KMT2D: variants seen among roughly 807,000 people sequenced by gnomAD.
KMT2D encodes the protein lysine methyltransferase 2D.
Under a neutral mutation model 512.7 loss-of-function variants are expected in KMT2D, and 55 were observed. That is an observed-to-expected ratio of 0.11 (90% CI 0.09 to 0.13). The LOEUF is 0.13. Ranked by LOEUF, KMT2D falls within the 10% of genes least tolerant of loss-of-function variation. The pLI is 1.00. For synonymous variants in KMT2D, 2,995 were observed against 2,904.0 expected (o/e 1.03, Z -1.01); for missense variants, 6,061 against 7,127.9 (o/e 0.85, Z 5.39).
At position 49,030,973 on chromosome 12, in the gene KMT2D, T is replaced by C. The variant is rs1167713096; in HGVS notation, c.13591A>G (p.Arg4531Gly). 6.2e-7 allele frequency: 1 copy of C among 1,613,982 alleles called. No individual in the cohort carries two copies. The highest frequency in any genetic ancestry group is 1.1e-5 in the South Asian group (1 of 91,090). ...KPKRVQKASD[R>G]LVSSRKKLRK... is the part of the protein sequence containing the mutation. ...AGCTTCTTTCGGGAGCTCACCAACC[T>C]GTCGCTTGCCTTCTGTACCCGCTTG... The change falls in exon 41 of 55, where the codon AGG becomes GGG. Residue 4531 changes from arginine to glycine, a missense_variant. By Grantham distance (125) the Arg-to-Gly change is moderately radical. Around this residue, in one of 16 missense-constraint regions of KMT2D, gnomAD observed 1,600 missense variants for 1,754.9 expected, o/e 0.91. Coordinates refer to ENST00000301067, the MANE Select transcript of KMT2D (RefSeq NM_003482.4).
chr12:49,025,263 A>G (rs1447764459), intron 49 of KMT2D, among the ~76,000 whole-genome samples: 2 of 151,336 alleles, frequency 1.3e-5, no homozygotes, highest in African/African-American at 2.5e-5. Flanking sequence ...TTCAGGTTCT[A>G]GTACTGGTCA....
Position 49,049,671 on chromosome 12 carries a change from T to C in KMT2D, c.3906+11A>G, listed in dbSNP as rs771006468. 1.4e-5 allele frequency: 22 copies of C among 1,560,084 alleles called. No individual in the cohort carries two copies. The highest frequency in any genetic ancestry group is 5.4e-5 in the Admixed American group (3 of 55,416). ...ACTCTAATCACATCCCGCAGCTAGA[T>C]AGCCCCTCACCTGTTTGATGCGGGA... On this transcript the variant is annotated intron_variant, in intron 12 of 54. Transcript: ENST00000301067.
At position 49,037,793 on chromosome 12, in the gene KMT2D, G is replaced by A. The variant is rs762206028; in HGVS notation, c.9563C>T (p.Thr3188Met). 2.3e-5 allele frequency: 37 copies of A among 1,596,556 alleles called. No individual in the cohort carries two copies. Among genetic ancestry groups the A allele is most frequent in the Non-Finnish European group, 3.0e-5 (35 of 1,171,422 alleles). Reference sequence around the variant, plus strand: ...CAGCAGGTGAGCTGGTGGTCCTCCCGTGGCCCCAAAGGAGGCCTTCTCAGC... The same window carrying A: ...CAGCAGGTGAGCTGGTGGTCCTCCCATGGCCCCAAAGGAGGCCTTCTCAGC... ...HTAEKASFGATGGPPAHLLTP... is the reference protein window; with the variant it reads ...HTAEKASFGAMGGPPAHLLTP... Residue 3188 changes from threonine to methionine, a missense_variant, in exon 35 of 55, where the codon ACG (threonine) becomes ATG (methionine). Physicochemically the swap from Thr to Met is moderately conservative, Grantham distance 81. Transcript: ENST00000301067.
intron 41 of KMT2D, 32 bp from the exon 42 acceptor site, chr12:49,030,800 C>T (rs1191520669): frequency 6.2e-7 from 1 of 1,613,044 alleles, no homozygotes; most frequent in Non-Finnish European, 8.5e-7. Context: ...AGTTCAAAAC[C>T]TGCAGCGTTT....
rs561594226 is a variant in KMT2D, at chr12:49,026,563, T to C, written c.15403A>G (p.Met5135Val). 7 of 1,614,000 alleles carry C rather than the reference T, an allele frequency of 4.3e-6. No homozygotes were observed. In the South Asian group the frequency reaches 5.5e-5, roughly 13 times the overall value. ...FFKDKTMLCP[M>V]HKIKGPCEQE... ...TCACAGGGCCCCTTGATCTTATGCA[T>C]TGGACACAGCATGGTCTTGTCCTTG... is the stretch of plus-strand genomic sequence containing the variant. The change falls in exon 49 of 55, where the codon ATG becomes GTG. Residue 5135 changes from methionine to valine, a missense_variant. By Grantham distance (21) the Met-to-Val change is conservative. Around this residue, in one of 16 missense-constraint regions of KMT2D, gnomAD observed 261 missense variants for 440.7 expected, o/e 0.59. Transcript: ENST00000301067. The surrounding 1 kb of genome is among the most constrained non-coding windows in gnomAD (Gnocchi z 9.6).
rs1938674141 is a variant in KMT2D, at chr12:49,060,326, C to T, written c.-751G>A. ...AAAGGAAGGGGCGGGCGGTGCGAGC[C>T]CTCTGCCCGCTCCCCTCCGGCCGCT... On this transcript the variant is annotated 5_prime_UTR_variant, in exon 1 of 55. Coordinates refer to ENST00000301067, the MANE Select transcript of KMT2D (RefSeq NM_003482.4). 6.6e-6 allele frequency among the ~76,000 whole-genome samples: 1 copy of T among 152,008 alleles called. No individual in the cohort carries two copies. The highest frequency in any genetic ancestry group is 2.4e-5 in the African/African-American group (1 of 41,412).
intron 1 of KMT2D, among the ~76,000 whole-genome samples, chr12:49,057,369 TAGG>T (rs1938473560): frequency 6.6e-6 from 1 of 152,130 alleles, no homozygotes; most frequent in African/African-American, 2.4e-5. Context: ...ATACAGTGGG[TAGG>T]AGGAGGGCTG....
rs2120698844 is a variant in KMT2D at position 49,053,607 on chromosome 12, C to T, written c.708G>A (p.Gly236=). ...TACAGAAGAACAGGTCACACAACTCCCCTGGCCCCTCACACACTGCACAGC... is the reference window on the plus strand; with the variant it reads ...TACAGAAGAACAGGTCACACAACTCTCCTGGCCCCTCACACACTGCACAGC... ...EARCAVCEGP[G]ELCDLFFCTS... Residue 236 remains glycine, a synonymous_variant, in exon 7 of 55, where the codon GGG becomes GGA. Transcript: ENST00000301067. 1 of 1,597,346 alleles carries T rather than the reference C, an allele frequency of 6.3e-7. No individual in the cohort carries two copies. Among genetic ancestry groups the T allele is most frequent in the Non-Finnish European group, 8.5e-7 (1 of 1,172,392 alleles).
chr12:49,060,148 A>G lies in KMT2D; in HGVS notation c.-573T>C, dbSNP rs1446320868. 4.0e-5 allele frequency among the ~76,000 whole-genome samples: 6 copies of G among 150,284 alleles called. No individual in the cohort carries two copies. Among genetic ancestry groups the G allele is most frequent in the Admixed American group, 2.6e-4 (4 of 15,176 alleles). ...CCCGGCCGGCGCCCGGGGCCGCGCGAGCTACGGCGACGCGGGGCCGGCGGG... is the reference window on the plus strand; with the variant it reads ...CCCGGCCGGCGCCCGGGGCCGCGCGGGCTACGGCGACGCGGGGCCGGCGGG... On this transcript the variant is annotated 5_prime_UTR_variant, in exon 1 of 55. Coordinates refer to ENST00000301067, the MANE Select transcript of KMT2D (RefSeq NM_003482.4).
At chr12:49,045,091 G>A in intron 19 of KMT2D, 126 bp from the exon 20 acceptor site, 4 of 877,158 alleles carry the variant, frequency 4.6e-6, no homozygotes, top group African/African-American at 1.7e-5. Flanking sequence ...GGGTCTAAAT[G>A]CTGAGGAGAA....
chr12:49,037,566 G>T lies in KMT2D; in HGVS notation c.9790C>A (p.Gln3264Lys), dbSNP rs1009925927. Residue 3264 changes from glutamine to lysine, a missense_variant, in exon 35 of 55, where the codon CAG becomes AAG. This residue lies in a region of KMT2D where 533 missense variants were observed against 539.6 expected (regional missense o/e 0.99). Transcript: ENST00000301067. ...GGCTGCAACTGTGCTGAAAGCTGCT[G>T]CTTCTTCTGCAGCTCCTTCTTCTCA... is the stretch of plus-strand genomic sequence containing the variant. ...EHEKKELQKK[Q>K]QLSAQLQPAQ... 2 of 1,553,978 alleles carry T rather than the reference G, an allele frequency of 1.3e-6. No individual in the cohort carries two copies. The highest frequency in any genetic ancestry group is 1.7e-6 in the Non-Finnish European group (2 of 1,148,472).
At chr12:49,053,105 G>C in intron 8 of KMT2D, 33 bp from the exon 9 acceptor site, 2 of 1,613,780 alleles carry the variant, frequency 1.2e-6, no homozygotes, top group Non-Finnish European at 1.7e-6. Context: ...ACAGGCATTG[G>C]TCAGACAGCA....
In KMT2D at chr12:49,031,740, T is replaced by C; in HGVS notation, c.12965A>G (p.Gln4322Arg). 2 of 1,613,038 alleles carry C rather than the reference T, an allele frequency of 1.2e-6. No homozygotes were observed. Among genetic ancestry groups the C allele is most frequent in the South Asian group, 1.1e-5 (1 of 90,920 alleles). ...AAGCTGGGAGCTGGGGGAAGGTAATTGTGAAGGTCTCTTTGGCTCTTGAGG... is the reference window on the plus strand; with the variant it reads ...AAGCTGGGAGCTGGGGGAAGGTAATCGTGAAGGTCTCTTTGGCTCTTGAGG... ...SSPQEPKRPS[Q>R]LPSPSSQLPT... Residue 4322 changes from glutamine to arginine, a missense_variant, in exon 40 of 55, where the codon CAA becomes CGA. This residue lies in a region of KMT2D where 1,600 missense variants were observed against 1,754.9 expected (regional missense o/e 0.91). Transcript: ENST00000301067.
Position 49,024,189 on chromosome 12 carries a change from C to A in KMT2D, c.16052+389G>T. ...TCTAACTATTTATTTTTGACACCAACACTCATGGGGAAGGGAAGGTGACCC... is the reference window on the plus strand; with the variant it reads ...TCTAACTATTTATTTTTGACACCAAAACTCATGGGGAAGGGAAGGTGACCC... On this transcript the variant is annotated intron_variant, in intron 51 of 54. Coordinates refer to ENST00000301067, the MANE Select transcript of KMT2D (RefSeq NM_003482.4). The surrounding 1 kb of genome is among the most constrained non-coding windows in gnomAD (Gnocchi z 4.5). 2 of 443,382 alleles carry A rather than the reference C, an allele frequency of 4.5e-6. No individual in the cohort carries two copies. Among genetic ancestry groups the A allele is most frequent in the South Asian group, 1.7e-5 (1 of 57,398 alleles). The allele number at this position is 443,382 out of a possible 1,614,324, so 27.5% of individuals were successfully genotyped here.
At chr12:49,030,479 T>C (rs1942844019) in intron 42 of KMT2D, 40 bp from the exon 43 acceptor site, 9 of 1,327,634 alleles carry the variant, frequency 6.8e-6, no homozygotes, top group South Asian at 2.6e-5. Context: ...CAAGATGGCA[T>C]AGGGAGACTG....
In KMT2D at chr12:49,050,078, G is replaced by C. The variant is rs753348269; in HGVS notation, c.3510C>G (p.Pro1170=). The C allele has an allele frequency of 1.2e-6, 2 of 1,613,680 alleles. No homozygotes were observed. Among genetic ancestry groups the C allele is most frequent in the Non-Finnish European group, 1.7e-6 (2 of 1,179,874 alleles). The part of the protein sequence containing the change: ...LAPVTPMEVY[P]ECKQTAGQGS... ...CCTGCCCTGCTGTCTGCTTGCATTC[G>C]GGGTAGACCTCCATAGGGGTCACAG... The change falls in exon 12 of 55, where the codon CCC becomes CCG. Residue 1170 remains proline, a synonymous_variant. Coordinates refer to ENST00000301067, the MANE Select transcript of KMT2D (RefSeq NM_003482.4).
chr12:49,042,282 G>C lies in KMT2D; in HGVS notation c.5916C>G (p.Pro1972=). The C allele has an allele frequency of 6.4e-7, 1 of 1,566,588 alleles. No homozygotes were observed. The highest frequency in any genetic ancestry group is 2.4e-5 in the East Asian group (1 of 42,172). ...FSPEPGEPDS[P]WTGSGGTTPS... The stretch of plus-strand genomic sequence containing the variant: ...GCGTGGTGCCACCTGAGCCCGTCCA[G>C]GGGCTGTCGGGCTCACCGGGTTCCG... The change falls in exon 29 of 55, where the codon CCC becomes CCG. Residue 1972 remains proline, a synonymous_variant. Coordinates refer to ENST00000301067, the MANE Select transcript of KMT2D (RefSeq NM_003482.4). This position sits in a 1 kb window ranked among gnomAD's most constrained non-coding sequence, Gnocchi z 4.4.
In KMT2D at chr12:49,021,831, G is replaced by A. The variant is rs781303319; in HGVS notation, c.16563C>T (p.His5521=). The A allele has an allele frequency of 6.2e-7, 1 of 1,614,020 alleles. No homozygotes were observed. Among genetic ancestry groups the A allele is most frequent in the Non-Finnish European group, 8.5e-7 (1 of 1,179,878 alleles). ...DYQFDFEDDQ[H]KIPCHCGAWN... ...AGGCTCCACAGTGGCAGGGGATCTT[G>A]TGCTGATCGTCCTCAAAATCAAACT... Residue 5521 remains histidine, a synonymous_variant, in exon 55 of 55, where the codon CAC becomes CAT. Coordinates refer to ENST00000301067, the MANE Select transcript of KMT2D (RefSeq NM_003482.4).
In KMT2D at chr12:49,033,218, C is replaced by T; in HGVS notation, c.11487G>A (p.Met3829Ile). ...GGGAACTGAGCACCCGGGACTGGGT[C>T]ATAAGCACCTGTCTGTGAGGGCCCT... is the stretch of plus-strand genomic sequence containing the variant. ...GPQGPHRQVL[M>I]TQSRVLSSPQ... The change falls in exon 40 of 55, where the codon ATG (methionine) becomes ATA (isoleucine). Residue 3829 changes from methionine (M) to isoleucine (I), a missense_variant. Met to Ile is a conservative substitution (Grantham distance 10, BLOSUM62 1). This residue lies in a region of KMT2D where 1,600 missense variants were observed against 1,754.9 expected (regional missense o/e 0.91). Transcript: ENST00000301067. The T allele has an allele frequency of 6.4e-7, 1 of 1,551,578 alleles. No individual in the cohort carries two copies. The highest frequency in any genetic ancestry group is 1.2e-5 in the South Asian group (1 of 84,048).
Sources: gnomAD v4.1 joint callset for allele counts (sites outside exome capture counted in the v4.1 genomes callset) on GRCh38, gnomAD v4.1.1 for gene constraint, gnomAD v4.1.1 regional missense constraint, Gnocchi (gnomAD v3.1) non-coding constraint, MANE v1.5 for transcripts, NCBI Gene and HGNC (gene_info 2026-07-23, HGNC 2026-07-21) for gene names.